DHX15: variants seen among roughly 807,000 people sequenced by gnomAD.
The protein encoded by DHX15 is ATP-dependent RNA helicase DHX15.
Under a neutral mutation model 94.4 loss-of-function variants are expected in DHX15, and 11 were observed. The ratio of observed to expected loss-of-function variants is 0.12; its 90% CI spans 0.07 to 0.19. DHX15 has a LOEUF of 0.19. DHX15 is among the 10% of genes least tolerant of loss of function. The pLI is 1.00. For missense variants in DHX15, 304 were observed against 988.5 expected, an observed-to-expected ratio of 0.31 and a Z score of 9.29; for synonymous variants, 338 against 329.9, an observed-to-expected ratio of 1.02 and a Z score of -0.27.
intron 8 of DHX15, among the ~76,000 whole-genome samples, 191 bp downstream of exon 8, chr4:24,541,682 G>A (rs958644978): frequency 5.3e-5 from 8 of 151,978 alleles, no homozygotes; most frequent in African/African-American, 1.9e-4. Flanking sequence ...GAGGGTCTTG[G>A]AATGTATCAG....
chr4:24,562,828 T>C (rs990301483), intron 3 of DHX15, among the ~76,000 whole-genome samples: 4 of 152,176 alleles, frequency 2.6e-5, no homozygotes, highest in Non-Finnish European at 4.4e-5. Context: ...AGATGAATCT[T>C]TCACACACAC....
chr4:24,555,562 G>A (rs1721717927), intron 4 of DHX15, among the ~76,000 whole-genome samples: 1 of 151,864 alleles, frequency 6.6e-6, no homozygotes, highest in African/African-American at 2.4e-5. Context: ...TTGAACCCTT[G>A]TTTGTTTGTT....
At chr4:24,583,390 C>T (rs1315190497) in intron 1 of DHX15, among the ~76,000 whole-genome samples, 3 of 151,882 alleles carry the variant, frequency 2.0e-5, no homozygotes, top group Non-Finnish European at 4.4e-5. Context: ...GCCATAAATA[C>T]TAAAAACACG....
intron 12 of DHX15, among the ~76,000 whole-genome samples, chr4:24,531,182 A>T (rs1478379458): frequency 1.3e-5 from 2 of 149,298 alleles, no homozygotes; most frequent in Non-Finnish European, 3.0e-5. Flanking sequence ...TCTGCCTCCC[A>T]GGTTTACGCC....
intron 1 of DHX15, among the ~76,000 whole-genome samples, chr4:24,584,017 C>G (rs906772924): frequency 6.6e-6 from 1 of 152,256 alleles, no homozygotes; most frequent in Non-Finnish European, 1.5e-5. Context: ...GGTTCACTCC[C>G]GCCCGACGCC....
chr4:24,552,231 T>C (rs946619507), intron 5 of DHX15, among the ~76,000 whole-genome samples: 1 of 148,836 alleles, frequency 6.7e-6, no homozygotes, highest in Non-Finnish European at 1.5e-5. Flanking sequence ...ATACTGAGAA[T>C]AAAGACAGAC....
At chr4:24,569,668 A>G (rs1014906060) in intron 3 of DHX15, among the ~76,000 whole-genome samples, 1 of 151,816 alleles carries the variant, frequency 6.6e-6, no homozygotes, top group African/African-American at 2.4e-5. Context: ...CTCTGACAAC[A>G]AAGACTCTGA....
intron 6 of DHX15, among the ~76,000 whole-genome samples, chr4:24,547,887 CTCTA>C (rs1560765601): frequency 2.7e-4 from 3 of 10,944 alleles, no homozygotes; most frequent in South Asian, 3.1e-3. Context: ...CTCTCTCTCT[CTCTA>C]TGTATGTATG....
rs557417051 is a variant in DHX15, at chr4:24,552,169, G to A, written c.1080+2556C>T. Among the ~76,000 whole-genome samples, 71 of 152,270 alleles carry A rather than the reference G, an allele frequency of 4.7e-4. 2 individuals are homozygous for A. Among genetic ancestry groups the A allele is most frequent in the Non-Finnish European group, 1.9e-4 (13 of 68,014 alleles). ...ATTCATCAGAATATAAACAGAAACAGGTAGTGGAGGAAAAGAAGTTTCAAC... is the reference window on the plus strand; with the variant it reads ...ATTCATCAGAATATAAACAGAAACAAGTAGTGGAGGAAAAGAAGTTTCAAC... On this transcript the variant is annotated intron_variant, in intron 5 of 13. Coordinates refer to ENST00000336812, the MANE Select transcript of DHX15 (RefSeq NM_001358.3).
intron 3 of DHX15, among the ~76,000 whole-genome samples, chr4:24,568,843 T>C (rs114285124): frequency 1.1e-3 from 168 of 152,360 alleles, no homozygotes; most frequent in African/African-American, 3.8e-3. Flanking sequence ...TATGCAATTA[T>C]TGTCAATTAT....
chr4:24,548,139 A>AC (rs1403842959), intron 6 of DHX15, among the ~76,000 whole-genome samples: 4 of 127,532 alleles, frequency 3.1e-5, no homozygotes, highest in Non-Finnish European at 6.7e-5. Context: ...GATCAGTGCT[A>AC]CTTTTTTTTT....
Position 24,532,938 on chromosome 4 carries a change from G to T in DHX15, c.2026C>A (p.Arg676=). 4 of 1,613,824 alleles carry T rather than the reference G, an allele frequency of 2.5e-6. No individual in the cohort carries two copies. Among genetic ancestry groups the T allele is most frequent in the Non-Finnish European group, 3.4e-6 (4 of 1,179,888 alleles). ...TCCCTGCTTGTAAAGTCAGTACTTCGACGAGGCAAATTAAATCTGTCCATA... is the reference window on the plus strand; with the variant it reads ...TCCCTGCTTGTAAAGTCAGTACTTCTACGAGGCAAATTAAATCTGTCCATA... The part of the protein sequence containing the change: ...RIMDRFNLPR[R]STDFTSRDYY... Residue 676 remains arginine (R), a synonymous_variant, in exon 12 of 14, where the codon CGA becomes AGA. Coordinates refer to ENST00000336812, the MANE Select transcript of DHX15 (RefSeq NM_001358.3).
rs1722270352 is a variant in DHX15 at position 24,576,492 on chromosome 4, G to A, written c.258C>T (p.Thr86=). 6.2e-7 allele frequency: 1 copy of A among 1,614,158 alleles called. No homozygotes were observed. The highest frequency in any genetic ancestry group is 8.5e-7 in the Non-Finnish European group (1 of 1,180,032). ...PLKASHSAHS[T]HSAHSTHSTH... Reference sequence around the variant, plus strand: ...TTGAATGCGTTGAATGTGCTGAGTGGGTTGAGTGAGCTGAATGGGAAGCTT... The same window carrying A: ...TTGAATGCGTTGAATGTGCTGAGTGAGTTGAGTGAGCTGAATGGGAAGCTT... The change falls in exon 2 of 14, where the codon ACC becomes ACT. Residue 86 remains threonine, a synonymous_variant. Coordinates refer to ENST00000336812, the MANE Select transcript of DHX15 (RefSeq NM_001358.3).
At chr4:24,556,473 GAC>G in intron 3 of DHX15, 63 bp from the exon 4 acceptor site, 1 of 1,351,402 alleles carries the variant, frequency 7.4e-7, no homozygotes, top group Non-Finnish European at 1.0e-6. Context: ...CAAACTTCGT[GAC>G]AAAAATGAAA....
rs114014081 is a variant in DHX15, at chr4:24,551,888, G to A, written c.1080+2837C>T. Among the ~76,000 whole-genome samples, 684 of 152,278 alleles carry A rather than the reference G, an allele frequency of 4.5e-3. 2 individuals carry two copies. The highest frequency in any genetic ancestry group is 0.024 in the Middle Eastern group (7 of 294). The stretch of plus-strand genomic sequence containing the variant: ...ATTAGACATTTGCTTTGTGATTCCA[G>A]TATTTTAAAATGACAATTCCAACTT... On this transcript the variant is annotated intron_variant, in intron 5 of 13. Coordinates refer to ENST00000336812, the MANE Select transcript of DHX15 (RefSeq NM_001358.3).
chr4:24,548,304 G>T lies in DHX15; in HGVS notation c.1248+551C>A, dbSNP rs115698033. On this transcript the variant is annotated intron_variant, in intron 6 of 13. Coordinates refer to ENST00000336812, the MANE Select transcript of DHX15 (RefSeq NM_001358.3). ...ATTACAGGCACGCGCTACCACGCCCGGCTAATTTTTTTGTATTTTCAATAC... is the reference window on the plus strand; with the variant it reads ...ATTACAGGCACGCGCTACCACGCCCTGCTAATTTTTTTGTATTTTCAATAC... Among the ~76,000 whole-genome samples, 4 of 151,996 alleles carry T rather than the reference G, an allele frequency of 2.6e-5. No homozygotes were observed. In the East Asian group the frequency reaches 7.8e-4, roughly 29 times the overall value.
At position 24,549,165 on chromosome 4, in the gene DHX15, T is replaced by C. The variant is rs193275450; in HGVS notation, c.1081-143A>G. On this transcript the variant is annotated intron_variant, in intron 5 of 13. Transcript: ENST00000336812. ...CTGTTTTCAATTTAGTAACCAAAAC[T>C]AATTTAGCAAATTTCAATGGGATTT... The C allele has an allele frequency of 2.1e-5, 13 of 617,020 alleles. No individual in the cohort carries two copies. The Admixed American group carries it at 4.6e-4, about 22-fold the overall frequency. 38.2% of individuals were successfully genotyped at this position (617,020 alleles called of 1,614,324 possible).
intron 1 of DHX15, chr4:24,580,805 A>G (rs1341743663): frequency 6.6e-6 from 1 of 152,176 alleles, no homozygotes; most frequent in African/African-American, 2.4e-5. Flanking sequence ...GGTGTGAGCC[A>G]TCACACCCGG....
chr4:24,576,492 G>T lies in DHX15; in HGVS notation c.258C>A (p.Thr86=). 6.2e-7 allele frequency: 1 copy of T among 1,614,158 alleles called. No individual in the cohort carries two copies. The highest frequency in any genetic ancestry group is 1.3e-5 in the African/African-American group (1 of 75,016). The change falls in exon 2 of 14, where the codon ACC becomes ACA. Residue 86 remains threonine, a synonymous_variant. Transcript: ENST00000336812. ...PLKASHSAHS[T]HSAHSTHSTH... ...TTGAATGCGTTGAATGTGCTGAGTG[G>T]GTTGAGTGAGCTGAATGGGAAGCTT...
Sources: allele counts gnomAD v4.1 joint callset (sites outside exome capture counted in the v4.1 genomes callset), GRCh38; gene constraint gnomAD v4.1.1; transcripts MANE v1.5; gene names NCBI Gene and HGNC (gene_info 2026-07-23, HGNC 2026-07-21).